Variants in ZNF106 observed in about 807,000 individuals in gnomAD.
The protein encoded by ZNF106 is zinc finger protein 106.
Under a neutral mutation model 195.1 loss-of-function variants are expected in ZNF106, and 67 were observed. That is an observed-to-expected ratio of 0.34 (90% CI 0.28 to 0.42). ZNF106 has a LOEUF of 0.42. Ranked by LOEUF, ZNF106 falls within the 10% of genes least tolerant of loss-of-function variation. The pLI is 1.00. For synonymous variants in ZNF106, 784 were observed against 818.6 expected, an observed-to-expected ratio of 0.96 and a Z score of 0.72; for missense variants, 2,118 against 2,304.5, an observed-to-expected ratio of 0.92 and a Z score of 1.66.
intron 1 of ZNF106, among the ~76,000 whole-genome samples, chr15:42,476,720 G>A (rs2056791805): frequency 1.3e-5 from 2 of 152,012 alleles, no homozygotes; most frequent in African/African-American, 4.8e-5. Context: ...GTACACCGAG[G>A]AGGAAGCAGC....
chr15:42,451,761 G>A lies in ZNF106; in HGVS notation c.511C>T (p.Pro171Ser), dbSNP rs760739934. The change falls in exon 5 of 22, where the codon CCA becomes TCA. Residue 171 changes from proline (P) to serine (S), a missense_variant. Pro to Ser is a moderately conservative substitution (Grantham distance 74, BLOSUM62 -1). Transcript: ENST00000564754. Reference protein sequence around the residue: ...GFNNTRKNSFPHSLRNGGGPR... With the variant: ...GFNNTRKNSFSHSLRNGGGPR... ...CCACCACCATTCCTCAAAGAATGTG[G>A]AAAGCTGTTTTTCCTAGTATTATTA... 3 of 1,614,212 alleles carry A rather than the reference G, an allele frequency of 1.9e-6. No individual in the cohort carries two copies. Among genetic ancestry groups the A allele is most frequent in the Non-Finnish European group, 2.5e-6 (3 of 1,180,034 alleles).
intron 3 of ZNF106, among the ~76,000 whole-genome samples, chr15:42,460,062 A>T (rs1458340770): frequency 1.3e-5 from 2 of 151,578 alleles, no homozygotes; most frequent in Non-Finnish European, 2.9e-5. Context: ...AAAAAAGAAA[A>T]TATTTTTGTC....
intron 1 of ZNF106, among the ~76,000 whole-genome samples, chr15:42,482,459 T>C (rs1439804705): frequency 6.6e-6 from 1 of 151,870 alleles, no homozygotes; most frequent in Non-Finnish European, 1.5e-5. Context: ...TTTGTTTTCA[T>C]AGTATCTAAC....
chr15:42,447,310 T>C (rs1448162640), intron 6 of ZNF106, among the ~76,000 whole-genome samples: 1 of 151,768 alleles, frequency 6.6e-6, no homozygotes, highest in South Asian at 2.1e-4. Context: ...AGTTCAGGAG[T>C]TCCAGAGCAG....
intron 3 of ZNF106, among the ~76,000 whole-genome samples, chr15:42,460,438 A>T (rs2081939674): frequency 6.6e-6 from 1 of 152,238 alleles, no homozygotes; most frequent in African/African-American, 2.4e-5. Context: ...CATATGTTGG[A>T]TTCTTAACAG....
intron 14 of ZNF106, among the ~76,000 whole-genome samples, chr15:42,429,135 T>C (rs1014163174): frequency 1.3e-5 from 2 of 151,504 alleles, no homozygotes; most frequent in African/African-American, 2.4e-5. Context: ...GGACAGGACA[T>C]AGTAAATTCA....
rs191464828 is a variant in ZNF106 at position 42,455,410 on chromosome 15, T to G, written c.317+1548A>C. Among the ~76,000 whole-genome samples, 285 of 152,328 alleles carry G rather than the reference T, an allele frequency of 1.9e-3. 1 individual carries two copies. The highest frequency in any genetic ancestry group is 3.2e-3 in the Non-Finnish European group (220 of 68,032). On this transcript the variant is annotated intron_variant, in intron 4 of 21. Coordinates refer to ENST00000564754, the MANE Select transcript of ZNF106 (RefSeq NM_001366845.3). Reference sequence around the variant, plus strand: ...TTGTAAAATGAAATGAGGTGTGGAATTTTCCACTGGTGGCCTCATGTTGGC... The same window carrying G: ...TTGTAAAATGAAATGAGGTGTGGAAGTTTCCACTGGTGGCCTCATGTTGGC...
At chr15:42,417,677 A>T in intron 21 of ZNF106, 128 bp downstream of exon 21, 2 of 1,160,154 alleles carry the variant, frequency 1.7e-6, no homozygotes, top group Non-Finnish European at 2.3e-6. Context: ...CAAATCTCTG[A>T]ATCATAAAAA....
At chr15:42,443,000 AATT>A (rs913801796) in intron 9 of ZNF106, among the ~76,000 whole-genome samples, 3 of 151,596 alleles carry the variant, frequency 2.0e-5, no homozygotes, top group South Asian at 4.2e-4. Context: ...GTCAGGCTGG[AATT>A]ATTATTATTA....
At chr15:42,427,173 G>A (rs936773066) in intron 15 of ZNF106, among the ~76,000 whole-genome samples, 9 of 152,128 alleles carry the variant, frequency 5.9e-5, no homozygotes, top group African/African-American at 2.2e-4. Flanking sequence ...TCTTCATCCT[G>A]TTTAACCTTT....
chr15:42,485,758 G>A (rs1476972004), intron 1 of ZNF106, among the ~76,000 whole-genome samples: 2 of 152,120 alleles, frequency 1.3e-5, no homozygotes, highest in African/African-American at 2.4e-5. Context: ...AATGTGTGAC[G>A]TATGCACAAC....
chr15:42,444,112 C>CA (rs58966014), intron 9 of ZNF106, 90 bp downstream of exon 9: 5,197 of 248,302 alleles, frequency 0.021, 26 homozygotes, highest in East Asian at 0.032. Flanking sequence ...ACTCTGTCTC[C>CA]AAAAAAAAAA....
intron 14 of ZNF106, among the ~76,000 whole-genome samples, chr15:42,430,914 G>C (rs1340659658): frequency 6.6e-6 from 1 of 151,910 alleles, no homozygotes; most frequent in Non-Finnish European, 1.5e-5. Flanking sequence ...CAAAGCACTA[G>C]AATTACAGGC....
chr15:42,425,038 C>T lies in ZNF106; in HGVS notation c.4999-13G>A. On this transcript the variant is annotated splice_polypyrimidine_tract_variant and intron_variant, in intron 15 of 21. Transcript: ENST00000564754. ...GTCGTTTGTTGTTCTGGAAAATAAG[C>T]CAAGATTACAGCTAAAACCAACTTA... is the stretch of plus-strand genomic sequence containing the variant. 1.2e-6 allele frequency: 2 copies of T among 1,612,950 alleles called. No homozygotes were observed. The highest frequency in any genetic ancestry group is 1.3e-5 in the African/African-American group (1 of 75,030).
intron 15 of ZNF106, 28 bp downstream of exon 15, chr15:42,427,990 G>A: frequency 6.3e-7 from 1 of 1,579,936 alleles, no homozygotes; most frequent in Non-Finnish European, 8.7e-7. Context: ...TGCATGGGAA[G>A]TAAGCCTTTT....
chr15:42,447,966 A>G lies in ZNF106; in HGVS notation c.3135+106T>C. The G allele has an allele frequency of 2.3e-6, 3 of 1,287,408 alleles. No homozygotes were observed. The East Asian group carries it at 7.0e-5, about 30-fold the overall frequency. 79.7% of individuals were successfully genotyped at this position (1,287,408 alleles called of 1,614,324 possible). The stretch of plus-strand genomic sequence containing the variant: ...CCTCACAATTCTTCTAGAAGTTGAG[A>G]GAATCACAATCCCAGATACCCAAGA... On this transcript the variant is annotated intron_variant, in intron 6 of 21. Coordinates refer to ENST00000564754, the MANE Select transcript of ZNF106 (RefSeq NM_001366845.3).
At chr15:42,426,145 C>T (rs968108035) in intron 15 of ZNF106, among the ~76,000 whole-genome samples, 4 of 152,106 alleles carry the variant, frequency 2.6e-5, no homozygotes, top group Non-Finnish European at 4.4e-5. Context: ...GGTGGACCGG[C>T]CCTGGTAAAC....
Position 42,412,955 on chromosome 15 carries a change from C to A in ZNF106, c.*4349G>T, listed in dbSNP as rs1432169661. On this transcript the variant is annotated 3_prime_UTR_variant, in exon 22 of 22. Coordinates refer to ENST00000564754, the MANE Select transcript of ZNF106 (RefSeq NM_001366845.3). ...TATAAACATTTTTGCAGTCAGGTGTCATCTGATTTCATTCTTCTAATCCAT... is the reference window on the plus strand; with the variant it reads ...TATAAACATTTTTGCAGTCAGGTGTAATCTGATTTCATTCTTCTAATCCAT... 3.9e-5 allele frequency: 6 copies of A among 152,184 alleles called. No individual in the cohort carries two copies. The highest frequency in any genetic ancestry group is 8.8e-5 in the Non-Finnish European group (6 of 68,040). The allele number at this position is 152,184 out of a possible 1,614,324, so 9.4% of individuals were successfully genotyped here. A position where few individuals can be genotyped will look rare whatever the true frequency, so the allele number is the denominator to read the frequency against.
Position 42,450,644 on chromosome 15 carries a change from G to A in ZNF106, c.1628C>T (p.Thr543Ile). ...ACCAGATTGCTTTTGAGAGCCAAAT[G>A]TACTTTTATTCCCTTTTAAAACATG... ...CPHVLKGNKSTFGSQKQSGDN... is the reference protein window; with the variant it reads ...CPHVLKGNKSIFGSQKQSGDN... The change falls in exon 5 of 22, where the codon ACA (threonine) becomes ATA (isoleucine). Residue 543 changes from threonine to isoleucine, a missense_variant. Coordinates refer to ENST00000564754, the MANE Select transcript of ZNF106 (RefSeq NM_001366845.3). The A allele has an allele frequency of 6.2e-7, 1 of 1,614,160 alleles. No individual in the cohort carries two copies. The highest frequency in any genetic ancestry group is 8.5e-7 in the Non-Finnish European group (1 of 1,180,034).
Sources: gnomAD v4.1 joint callset for allele counts (sites outside exome capture counted in the v4.1 genomes callset) on GRCh38, gnomAD v4.1.1 for gene constraint, MANE v1.5 for transcripts, NCBI Gene and HGNC (gene_info 2026-07-23, HGNC 2026-07-21) for gene names.